The following FOXN3 variants were observed in gnomAD, a reference collection of about 807,000 sequenced individuals.
The protein encoded by FOXN3 is forkhead box N3, also known as forkhead box protein N3.
Under a neutral mutation model 38.4 loss-of-function variants are expected in FOXN3, and 7 were observed. The ratio of observed to expected loss-of-function variants is 0.18; its 90% CI spans 0.10 to 0.34. FOXN3 has a LOEUF of 0.34. Among genes scored for constraint, FOXN3 ranks in the 10% least tolerant of loss-of-function variants. The probability of loss-of-function intolerance (pLI) is 1.00; values close to 1 mark genes in which losing one functional copy is unlikely to be tolerated. For synonymous variants in FOXN3, 230 were observed against 242.2 expected (o/e 0.95, Z 0.47); for missense variants, 456 against 613.4 (o/e 0.74, Z 2.71).
intron 1 of FOXN3, among the ~76,000 whole-genome samples, chr14:89,577,724 TC>T (rs1895663267): frequency 6.6e-6 from 1 of 152,210 alleles, no homozygotes; most frequent in Admixed American, 6.5e-5. Context: ...GGGAAAATTC[TC>T]CATTTTCTCC....
chr14:89,553,648 C>T (rs912872219), intron 1 of FOXN3, among the ~76,000 whole-genome samples: 7 of 152,044 alleles, frequency 4.6e-5, no homozygotes, highest in African/African-American at 1.4e-4. Flanking sequence ...CCCGGCAGCC[C>T]CACAAGTCTT....
intron 3 of FOXN3, among the ~76,000 whole-genome samples, chr14:89,333,982 ATATATATATATATATATATATATATATG>A (rs1888349832): frequency 2.0e-4 from 2 of 10,056 alleles, no homozygotes; most frequent in East Asian, 4.5e-3. Context: ...ATATATATAT[ATATATATATATATATATATATATATATG>A]TATATAAATG....
chr14:89,240,279 GAA>G (rs60891025), intron 4 of FOXN3, among the ~76,000 whole-genome samples: 6 of 141,914 alleles, frequency 4.2e-5, no homozygotes, highest in Admixed American at 1.4e-4. Flanking sequence ...AATTCAATAG[GAA>G]AAAAAAAAAA....
At chr14:89,517,947 A>G (rs938068161) in intron 1 of FOXN3, among the ~76,000 whole-genome samples, 4 of 152,198 alleles carry the variant, frequency 2.6e-5, no homozygotes, top group African/African-American at 9.6e-5. Flanking sequence ...CCAAACTCAA[A>G]TTTGTACACA....
At chr14:89,501,963 C>T (rs753900380) in intron 1 of FOXN3, among the ~76,000 whole-genome samples, 47 of 151,970 alleles carry the variant, frequency 3.1e-4, no homozygotes, top group African/African-American at 9.9e-4. Flanking sequence ...GTCAGGAATT[C>T]GAGACCAGCC....
In FOXN3 at chr14:89,274,055, G is replaced by A. The variant is rs566792415; in HGVS notation, c.745+6895C>T. 1.6e-4 allele frequency among the ~76,000 whole-genome samples: 24 copies of A among 152,278 alleles called. No individual in the cohort carries two copies. In the East Asian group the frequency reaches 1.7e-3, roughly 11 times the overall value. Reference sequence around the variant, plus strand: ...AAAATGGACAAAAGAGTCAGCTTGCGGAGCAGATTAGATGGAAGAGGCCAA... The same window carrying A: ...AAAATGGACAAAAGAGTCAGCTTGCAGAGCAGATTAGATGGAAGAGGCCAA... On this transcript the variant is annotated intron_variant, in intron 4 of 5. Transcript: ENST00000557258.
chr14:89,553,607 C>G (rs928442676), intron 1 of FOXN3, among the ~76,000 whole-genome samples: 2 of 152,130 alleles, frequency 1.3e-5, no homozygotes, highest in African/African-American at 4.8e-5. Flanking sequence ...GCCCCTTGAA[C>G]AGCTATGTAA....
chr14:89,336,928 T>A (rs1888478529), intron 3 of FOXN3, among the ~76,000 whole-genome samples: 1 of 152,164 alleles, frequency 6.6e-6, no homozygotes, highest in Non-Finnish European at 1.5e-5. Flanking sequence ...ATGCCACATC[T>A]AAGGGGTGAG....
At chr14:89,184,352 G>T (rs1887748730) in intron 4 of FOXN3, among the ~76,000 whole-genome samples, 1 of 152,238 alleles carries the variant, frequency 6.6e-6, no homozygotes, top group Non-Finnish European at 1.5e-5. Flanking sequence ...CTTAACCCTA[G>T]CATGGTTGTC....
At chr14:89,326,627 A>C (rs1348094131) in intron 3 of FOXN3, among the ~76,000 whole-genome samples, 1 of 152,224 alleles carries the variant, frequency 6.6e-6, no homozygotes, top group East Asian at 1.9e-4. Flanking sequence ...GGGCTGTAAT[A>C]ATTAATTGAA....
chr14:89,229,195 G>A (rs1479205550), intron 4 of FOXN3, among the ~76,000 whole-genome samples: 3 of 152,200 alleles, frequency 2.0e-5, no homozygotes, highest in African/African-American at 4.8e-5. Context: ...AGTGGTAGCT[G>A]CAGGGACTAA....
intron 1 of FOXN3, among the ~76,000 whole-genome samples, chr14:89,524,525 A>G (rs1421588987): frequency 6.6e-6 from 1 of 151,790 alleles, no homozygotes; most frequent in East Asian, 1.9e-4. Context: ...AATAAAAACA[A>G]AAGCTGGTTC....
At chr14:89,333,762 A>T (rs966917382) in intron 3 of FOXN3, among the ~76,000 whole-genome samples, 4 of 120,912 alleles carry the variant, frequency 3.3e-5, no homozygotes, top group South Asian at 6.1e-4. Context: ...AAAAAAAAAA[A>T]AAAAAAAAAA....
chr14:89,323,638 G>C (rs59232754), intron 3 of FOXN3, among the ~76,000 whole-genome samples: 3,190 of 152,048 alleles, frequency 0.021, 103 homozygotes, highest in African/African-American at 0.073. Context: ...AGAATTGCTT[G>C]AACCCAGGAG....
At chr14:89,244,392 A>G (rs185315419) in intron 4 of FOXN3, among the ~76,000 whole-genome samples, 4 of 152,336 alleles carry the variant, frequency 2.6e-5, no homozygotes, top group Non-Finnish European at 5.9e-5. Context: ...AAGCAAAGAG[A>G]CACAGGAATC....
chr14:89,255,830 A>T (rs1885601966), intron 4 of FOXN3, among the ~76,000 whole-genome samples: 1 of 152,168 alleles, frequency 6.6e-6, no homozygotes, highest in Admixed American at 6.5e-5. Context: ...GTCCTCAAGA[A>T]AAAAGGTCTT....
intron 1 of FOXN3, among the ~76,000 whole-genome samples, chr14:89,432,931 T>C (rs572344501): frequency 1.2e-4 from 18 of 152,262 alleles, no homozygotes; most frequent in African/African-American, 4.3e-4. Flanking sequence ...TTCTCCTGCC[T>C]TGACCTCCCA....
chr14:89,350,097 G>T (rs1478271207), intron 3 of FOXN3, among the ~76,000 whole-genome samples: 4 of 152,036 alleles, frequency 2.6e-5, no homozygotes, highest in African/African-American at 9.7e-5. Flanking sequence ...TGATATATTT[G>T]TAAAAATGGT....
chr14:89,585,475 A>G (rs1345761342), intron 1 of FOXN3, among the ~76,000 whole-genome samples: 1 of 152,156 alleles, frequency 6.6e-6, no homozygotes, highest in East Asian at 1.9e-4. Flanking sequence ...TTCCCCCCAG[A>G]TCTTTGAGGT....
Sources: gnomAD v4.1 joint callset for allele counts (sites outside exome capture counted in the v4.1 genomes callset) on GRCh38, gnomAD v4.1.1 for gene constraint, MANE v1.5 for transcripts, NCBI Gene and HGNC (gene_info 2026-07-23, HGNC 2026-07-21) for gene names.